The following SFSWAP variants were observed in gnomAD, a reference collection of about 807,000 sequenced individuals.
The protein encoded by SFSWAP is splicing factor, suppressor of white-apricot homolog.
Under a neutral mutation model 100.7 loss-of-function variants are expected in SFSWAP, and 17 were observed. That is an observed-to-expected ratio of 0.17 (90% confidence interval 0.12 to 0.25). SFSWAP has a LOEUF of 0.25. SFSWAP is among the 10% of genes least tolerant of loss of function. The pLI is 1.00. For synonymous variants in SFSWAP, 504 were observed against 510.1 expected (o/e 0.99, Z 0.16); for missense variants, 1,005 against 1,262.6 (o/e 0.80, Z 3.09).
At position 131,734,067 on chromosome 12, in the gene SFSWAP, T is replaced by C. The variant is rs1593125777; in HGVS notation, c.1081+5639T>C. Reference sequence around the variant, plus strand: ...TAGGTGAGTGCCCACCCTGTGGCACTGAGACCCAACAGCTCAGGTGACAGT... The same window carrying C: ...TAGGTGAGTGCCCACCCTGTGGCACCGAGACCCAACAGCTCAGGTGACAGT... On this transcript the variant is annotated intron_variant, in intron 7 of 17. Transcript: ENST00000261674. The surrounding 1 kb of genome is among the most constrained non-coding windows in gnomAD (Gnocchi z 4.9). Among the ~76,000 whole-genome samples the C allele has an allele frequency of 2.0e-5, 3 of 152,346 alleles. No individual in the cohort carries two copies. In the East Asian group the frequency reaches 5.8e-4, roughly 29 times the overall value.
rs1461686865 is a variant in SFSWAP at position 131,797,549 on chromosome 12, G to A, written c.2717+189G>A. 3.3e-5 allele frequency among the ~76,000 whole-genome samples: 5 copies of A among 152,364 alleles called. No individual in the cohort carries two copies. The South Asian group carries it at 6.2e-4, about 19-fold the overall frequency. ...ATGTGGCTTCTCACAATCCATGAGCGCTCAGAGGAGCAGGTCCTGTACTGG... is the reference window on the plus strand; with the variant it reads ...ATGTGGCTTCTCACAATCCATGAGCACTCAGAGGAGCAGGTCCTGTACTGG... On this transcript the variant is annotated intron_variant, in intron 16 of 17. Coordinates refer to ENST00000261674, the MANE Select transcript of SFSWAP (RefSeq NM_004592.4).
chr12:131,725,307 G>A lies in SFSWAP; in HGVS notation c.607-98G>A, dbSNP rs141624406. 1.7e-5 allele frequency: 17 copies of A among 997,878 alleles called. No homozygotes were observed. In the African/African-American group the frequency reaches 2.6e-4, roughly 15 times the overall value. The allele number at this position is 997,878 out of a possible 1,614,324, so 61.8% of individuals were successfully genotyped here. On this transcript the variant is annotated intron_variant, in intron 4 of 17. Coordinates refer to ENST00000261674, the MANE Select transcript of SFSWAP (RefSeq NM_004592.4). The surrounding 1 kb of genome is among the most constrained non-coding windows in gnomAD (Gnocchi z 4.3). ...TTAAAGTCTCGTATCTCTTAAAATTGACAGTAAAACCAGAGTCATTTCTAT... is the reference window on the plus strand; with the variant it reads ...TTAAAGTCTCGTATCTCTTAAAATTAACAGTAAAACCAGAGTCATTTCTAT...
In SFSWAP at chr12:131,778,707, G is replaced by A. The variant is rs1219195285; in HGVS notation, c.2408+377G>A. ...TAATTTTTGTATTTTTAGTAGAGAC[G>A]GGGTTTCACCGTGTCGGCCAGGCTG... On this transcript the variant is annotated intron_variant, in intron 14 of 17. Coordinates refer to ENST00000261674, the MANE Select transcript of SFSWAP (RefSeq NM_004592.4). The surrounding 1 kb of genome is among the most constrained non-coding windows in gnomAD (Gnocchi z 4.2). 2.6e-5 allele frequency among the ~76,000 whole-genome samples: 4 copies of A among 152,114 alleles called. No individual in the cohort carries two copies. The highest frequency in any genetic ancestry group is 5.9e-5 in the Non-Finnish European group (4 of 68,000).
chr12:131,762,978 G>A (rs1220793168), intron 11 of SFSWAP, among the ~76,000 whole-genome samples: 5 of 151,948 alleles, frequency 3.3e-5, no homozygotes, highest in South Asian at 2.1e-4. Context: ...CCCCACACAC[G>A]TGCTCATCAT....
chr12:131,728,618 A>T (rs930829103), intron 7 of SFSWAP, among the ~76,000 whole-genome samples, 190 bp downstream of exon 7: 6 of 151,894 alleles, frequency 4.0e-5, no homozygotes, highest in African/African-American at 1.5e-4. Context: ...TGTTGGCAAG[A>T]TGGCTGCCCT....
intron 15 of SFSWAP, 44 bp from the exon 16 acceptor site, chr12:131,797,134 T>G (rs368721079): frequency 4.3e-5 from 67 of 1,574,408 alleles, no homozygotes; most frequent in Admixed American, 2.6e-4. Flanking sequence ...GTGCCCTGCC[T>G]TTAAACCAAA....
intron 14 of SFSWAP, among the ~76,000 whole-genome samples, chr12:131,783,211 AT>A (rs1174001436): frequency 6.6e-6 from 1 of 151,874 alleles, no homozygotes; most frequent in African/African-American, 2.4e-5. Flanking sequence ...TTAAAGTAAA[AT>A]ACTTTTATTG....
At chr12:131,716,401 C>G (rs1393014692) in intron 3 of SFSWAP, among the ~76,000 whole-genome samples, 1 of 152,134 alleles carries the variant, frequency 6.6e-6, no homozygotes, top group African/African-American at 2.4e-5. Context: ...ACGTAAACAC[C>G]CATTTATTTA....
chr12:131,777,688 T>C (rs1884138215), intron 13 of SFSWAP, among the ~76,000 whole-genome samples: 1 of 152,200 alleles, frequency 6.6e-6, no homozygotes, highest in Non-Finnish European at 1.5e-5. Context: ...CAAATGGTAT[T>C]TCTGGTTCTA....
At chr12:131,756,683 C>T (rs774673511) in intron 11 of SFSWAP, 39 bp downstream of exon 11, 112 of 1,519,420 alleles carry the variant, frequency 7.4e-5, no homozygotes, top group Admixed American at 6.3e-5. Context: ...CACATTCCAC[C>T]ATAAGTTGGC....
Position 131,764,589 on chromosome 12 carries a change from T to A in SFSWAP, c.1854T>A (p.Ser618Arg). ...EESKEGQESS[S>R]SAANTNPAVA... ...GCAAAGAAGGCCAAGAAAGTTCTAGTAGTGCTGCAAACACTAACCCAGCAG... is the reference window on the plus strand; with the variant it reads ...GCAAAGAAGGCCAAGAAAGTTCTAGAAGTGCTGCAAACACTAACCCAGCAG... Residue 618 changes from serine (S) to arginine (R), a missense_variant, in exon 12 of 18, where the codon AGT becomes AGA. Ser to Arg is a moderately radical substitution (Grantham distance 110). This residue lies in a region of SFSWAP where 82 missense variants were observed against 131.0 expected (regional missense o/e 0.63). Transcript: ENST00000261674. 6.2e-7 allele frequency: 1 copy of A among 1,614,196 alleles called. No homozygotes were observed. The highest frequency in any genetic ancestry group is 8.5e-7 in the Non-Finnish European group (1 of 1,180,024).
chr12:131,719,568 C>G (rs61339190), intron 4 of SFSWAP, 29 bp downstream of exon 4: 1 of 1,513,878 alleles, frequency 6.6e-7, no homozygotes, highest in Non-Finnish European at 9.2e-7. Flanking sequence ...CACTAGTTGT[C>G]GTCATTATTA....
intron 14 of SFSWAP, chr12:131,783,449 G>A (rs932377911): frequency 6.6e-6 from 1 of 152,180 alleles, no homozygotes; most frequent in South Asian, 2.1e-4. Context: ...ATAGATCTTT[G>A]AATGTTGTCA....
At chr12:131,760,281 A>G (rs1882544022) in intron 11 of SFSWAP, among the ~76,000 whole-genome samples, 1 of 152,232 alleles carries the variant, frequency 6.6e-6, no homozygotes, top group African/African-American at 2.4e-5. Flanking sequence ...CTGCTAATAC[A>G]TAAAAATAAA....
chr12:131,731,259 CG>C (rs1879478694), intron 7 of SFSWAP, among the ~76,000 whole-genome samples: 1 of 152,210 alleles, frequency 6.6e-6, no homozygotes, highest in Non-Finnish European at 1.5e-5. Flanking sequence ...CACGCAAGCC[CG>C]GGCAGTGCGG....
At chr12:131,762,441 T>TA (rs1882756440) in intron 11 of SFSWAP, among the ~76,000 whole-genome samples, 1 of 152,170 alleles carries the variant, frequency 6.6e-6, no homozygotes, top group African/African-American at 2.4e-5. Flanking sequence ...TAAAATGAAA[T>TA]AAGCATTGCT....
intron 1 of SFSWAP, chr12:131,713,769 T>G (rs1336035313): frequency 9.6e-6 from 2 of 208,104 alleles, no homozygotes; most frequent in African/African-American, 4.6e-5. Flanking sequence ...TGGTAAGAAC[T>G]GCCAGTGAAG....
chr12:131,787,936 C>A (rs1257103576), intron 15 of SFSWAP, among the ~76,000 whole-genome samples: 1 of 152,196 alleles, frequency 6.6e-6, no homozygotes, highest in Non-Finnish European at 1.5e-5. Flanking sequence ...TTCATGTACA[C>A]CTGGCTCTGT....
chr12:131,799,039 G>C lies in SFSWAP; in HGVS notation c.2720G>C (p.Gly907Ala). Residue 907 changes from glycine to alanine, a missense_variant and splice_region_variant, in exon 17 of 18, where the codon GGA becomes GCA. By Grantham distance (60) the Gly-to-Ala change is moderately conservative. Around this residue, in one of 7 missense-constraint regions of SFSWAP, gnomAD observed 295 missense variants for 347.9 expected, o/e 0.85. Transcript: ENST00000261674. ...TGCTCTCTCTCTCTCTGCATTAGGG[G>C]AGTCTCTCAGGAAAAAGAAGCCCAG... ...SRGSSQERSRGVSQEKEAQIS... is the reference protein window; with the variant it reads ...SRGSSQERSRAVSQEKEAQIS... The C allele has an allele frequency of 6.2e-7, 1 of 1,612,120 alleles. No homozygotes were observed. The highest frequency in any genetic ancestry group is 8.5e-7 in the Non-Finnish European group (1 of 1,178,142).
Sources: gnomAD v4.1 joint callset for allele counts (sites outside exome capture counted in the v4.1 genomes callset) on GRCh38, gnomAD v4.1.1 for gene constraint, gnomAD v4.1.1 regional missense constraint, Gnocchi (gnomAD v3.1) non-coding constraint, MANE v1.5 for transcripts, NCBI Gene and HGNC (gene_info 2026-07-23, HGNC 2026-07-21) for gene names.